The following ARID4A variants were observed in gnomAD, a reference collection of about 807,000 sequenced individuals.
ARID4A encodes the protein AT-rich interaction domain 4A.
A neutral mutation model predicts 148.6 loss-of-function variants in ARID4A; 39 were observed. The ratio of observed to expected loss-of-function variants is 0.26; its 90% CI spans 0.20 to 0.34. ARID4A has a LOEUF of 0.34. ARID4A is among the 10% of genes least tolerant of loss of function. The pLI, the probability that ARID4A is intolerant of heterozygous loss-of-function variation, is 1.00. For missense variants in ARID4A, 1,265 were observed against 1,449.1 expected (o/e 0.87, Z 2.06); for synonymous variants, 475 against 481.2 (o/e 0.99, Z 0.17).
intron 5 of ARID4A, among the ~76,000 whole-genome samples, chr14:58,316,275 T>C (rs998394924): frequency 2.0e-5 from 3 of 152,180 alleles, no homozygotes; most frequent in African/African-American, 7.2e-5. Flanking sequence ...TACTAAATCT[T>C]GATAATTGTT....
chr14:58,337,264 A>G (rs1221616067), intron 11 of ARID4A, among the ~76,000 whole-genome samples: 1 of 137,096 alleles, frequency 7.3e-6, no homozygotes, highest in East Asian at 2.1e-4. Context: ...ATATATATAT[A>G]TATAATTAAA....
At chr14:58,368,000 G>A (rs945092926) in intron 23 of ARID4A, among the ~76,000 whole-genome samples, 1 of 152,066 alleles carries the variant, frequency 6.6e-6, no homozygotes, top group Non-Finnish European at 1.5e-5. Context: ...TGAAAAATGG[G>A]ATTGGTTGAA....
intron 7 of ARID4A, 31 bp downstream of exon 7, chr14:58,318,836 A>C: frequency 6.5e-7 from 1 of 1,530,372 alleles, no homozygotes; most frequent in Non-Finnish European, 9.0e-7. Context: ...TATCATTTTA[A>C]TTACAATTAT....
At chr14:58,299,763 AT>A (rs1163071277) in intron 1 of ARID4A, 34 bp from the exon 2 acceptor site, 3 of 1,576,196 alleles carry the variant, frequency 1.9e-6, no homozygotes, top group African/African-American at 1.3e-5. Flanking sequence ...CAGTTGACTG[AT>A]TATGTCTGTG....
chr14:58,358,582 A>G (rs2034994306), intron 17 of ARID4A, among the ~76,000 whole-genome samples: 1 of 152,198 alleles, frequency 6.6e-6, no homozygotes, highest in Non-Finnish European at 1.5e-5. Context: ...AAGTAGGTGA[A>G]ATACAGATAT....
At chr14:58,326,918 T>G (rs1441641734) in intron 8 of ARID4A, among the ~76,000 whole-genome samples, 2 of 152,204 alleles carry the variant, frequency 1.3e-5, no homozygotes, top group Non-Finnish European at 2.9e-5. Context: ...GTGTATCTTT[T>G]TATGTTTGCC....
chr14:58,321,953 G>C (rs917149035), intron 7 of ARID4A, among the ~76,000 whole-genome samples: 1 of 75,488 alleles, frequency 1.3e-5, no homozygotes, highest in Non-Finnish European at 3.1e-5. Flanking sequence ...TGTTGTTGTT[G>C]TTGTTTTTTT....
chr14:58,308,314 A>T (rs1429041748), intron 5 of ARID4A, among the ~76,000 whole-genome samples: 2 of 152,368 alleles, frequency 1.3e-5, no homozygotes, highest in East Asian at 3.9e-4. Flanking sequence ...CTTGCTTAGA[A>T]AAATGAGGAT....
At chr14:58,366,293 C>T in intron 22 of ARID4A, 63 bp downstream of exon 22, 3 of 1,241,442 alleles carry the variant, frequency 2.4e-6, no homozygotes, top group Non-Finnish European at 3.5e-6. Flanking sequence ...CTTAAAATAT[C>T]AACTTGGATT....
chr14:58,352,481 G>T (rs2140244907), intron 16 of ARID4A, among the ~76,000 whole-genome samples: 1 of 152,220 alleles, frequency 6.6e-6, no homozygotes, highest in South Asian at 2.1e-4. Context: ...ATACATCTAT[G>T]TAAAATGTGA....
At position 58,372,133 on chromosome 14, in the gene ARID4A, C is replaced by T. The variant is rs2035640959; in HGVS notation, c.*144C>T. On this transcript the variant is annotated 3_prime_UTR_variant, in exon 24 of 24. Transcript: ENST00000355431. ...TTTTCCAGGCTGGATTGTATCTATT[C>T]CCCTCTCTCTTCTTTTTTCTTGTTG... is the stretch of plus-strand genomic sequence containing the variant. The T allele has an allele frequency of 7.0e-6, 4 of 573,176 alleles. No individual in the cohort carries two copies. The highest frequency in any genetic ancestry group is 1.2e-5 in the Non-Finnish European group (4 of 327,622). 35.5% of individuals were successfully genotyped at this position (573,176 alleles called of 1,614,324 possible). A position where few individuals can be genotyped will look rare whatever the true frequency, so the allele number is the denominator to read the frequency against.
rs756033293 is a variant in ARID4A at position 58,361,027 on chromosome 14, A to C, written c.2065A>C (p.Ser689Arg). ...MPYGLSKTAN[S>R]EGKSDSCSSD... The stretch of plus-strand genomic sequence containing the variant: ...GTATGGCTTATCTAAGACAGCAAAC[A>C]GTGAAGGAAAATCAGGTACCAGAAG... The change falls in exon 19 of 24, where the codon AGT becomes CGT. Residue 689 changes from serine (S) to arginine (R), a missense_variant. This residue lies in a region of ARID4A where 666 missense variants were observed against 730.9 expected (regional missense o/e 0.91). Transcript: ENST00000355431. The C allele has an allele frequency of 6.2e-6, 10 of 1,613,736 alleles. No homozygotes were observed. In the East Asian group the frequency reaches 2.2e-4, roughly 36 times the overall value.
intron 5 of ARID4A, among the ~76,000 whole-genome samples, chr14:58,307,072 T>G (rs1048183847): frequency 6.6e-6 from 1 of 152,228 alleles, no homozygotes; most frequent in African/African-American, 2.4e-5. Context: ...GTCATTATGT[T>G]GATGAGAATA....
At chr14:58,306,580 T>C (rs1279537300) in intron 5 of ARID4A, among the ~76,000 whole-genome samples, 1 of 152,186 alleles carries the variant, frequency 6.6e-6, no homozygotes, top group East Asian at 1.9e-4. Context: ...TGGGTGCTCA[T>C]ATTAACAGCT....
At chr14:58,324,470 T>A (rs1327220990) in intron 8 of ARID4A, among the ~76,000 whole-genome samples, 1 of 152,026 alleles carries the variant, frequency 6.6e-6, no homozygotes, top group Admixed American at 6.6e-5. Flanking sequence ...TTTGTAGACA[T>A]GTAGCCTCAT....
At position 58,344,814 on chromosome 14, in the gene ARID4A, T is replaced by G. The variant is rs2034277656; in HGVS notation, c.979+47T>G. The stretch of plus-strand genomic sequence containing the variant: ...TAAAGTAGTCATTTCTTTTTCATGT[T>G]TACATTCTAGGTATATGCATTGTTT... On this transcript the variant is annotated intron_variant, in intron 12 of 23. Coordinates refer to ENST00000355431, the MANE Select transcript of ARID4A (RefSeq NM_002892.4). The G allele has an allele frequency of 1.2e-5, 17 of 1,395,824 alleles. 1 individual carries two copies. In the East Asian group the frequency reaches 3.9e-4, roughly 32 times the overall value. 86.5% of individuals were successfully genotyped at this position (1,395,824 alleles called of 1,614,324 possible).
Position 58,364,466 on chromosome 14 carries a change from A to G in ARID4A, c.2377A>G (p.Lys793Glu). 1 of 1,613,268 alleles carries G rather than the reference A, an allele frequency of 6.2e-7. No homozygotes were observed. The highest frequency in any genetic ancestry group is 8.5e-7 in the Non-Finnish European group (1 of 1,179,868). ...AGAAGCCGAAAAATCTCCAAAAGGA[A>G]AGGGAAGACGAAGCAAGACAAAAGA... is the stretch of plus-strand genomic sequence containing the variant. ...KKEAEKSPKG[K>E]GRRSKTKDLS... Residue 793 changes from lysine (K) to glutamate (E), a missense_variant, in exon 20 of 24, where the codon AAG becomes GAG. This residue lies in a region of ARID4A where 666 missense variants were observed against 730.9 expected (regional missense o/e 0.91). Coordinates refer to ENST00000355431, the MANE Select transcript of ARID4A (RefSeq NM_002892.4).
chr14:58,327,352 T>C (rs1461923197), intron 8 of ARID4A, among the ~76,000 whole-genome samples: 1 of 152,158 alleles, frequency 6.6e-6, no homozygotes, highest in East Asian at 1.9e-4. Flanking sequence ...TTTTAAAAAA[T>C]ATAAAGTTCT....
At position 58,345,507 on chromosome 14, in the gene ARID4A, G is replaced by A. The variant is rs191240029; in HGVS notation, c.979+740G>A. 3.8e-3 allele frequency among the ~76,000 whole-genome samples: 581 copies of A among 152,158 alleles called. 2 individuals carry two copies. Among genetic ancestry groups the A allele is most frequent in the Middle Eastern group, 0.014 (4 of 294 alleles). ...TGAAAAAGATGAGATTTCTAATATA[G>A]GTAGAATAATAGAACAATTATAAAC... is the stretch of plus-strand genomic sequence containing the variant. On this transcript the variant is annotated intron_variant, in intron 12 of 23. Transcript: ENST00000355431.
Sources: allele counts gnomAD v4.1 joint callset (sites outside exome capture counted in the v4.1 genomes callset), GRCh38; gene constraint gnomAD v4.1.1; regional missense constraint gnomAD v4.1.1; transcripts MANE v1.5; gene names NCBI Gene and HGNC (gene_info 2026-07-23, HGNC 2026-07-21).